Variants in SPTBN1 observed in about 807,000 individuals in gnomAD.
SPTBN1 encodes spectrin beta, non-erythrocytic 1.
SPTBN1 carries 32 observed loss-of-function variants against 266.4 expected under a neutral mutation model. The ratio of observed to expected loss-of-function variants is 0.12; its 90% CI spans 0.09 to 0.16. The LOEUF (loss-of-function observed/expected upper bound fraction) is 0.16, where lower values mean the gene tolerates loss of function less well. SPTBN1 is among the 10% of genes least tolerant of loss of function. The pLI, the probability that SPTBN1 is intolerant of heterozygous loss-of-function variation, is 1.00. For missense variants in SPTBN1, 2,296 were observed against 3,067.1 expected (o/e 0.75, Z 5.94); for synonymous variants, 1,336 against 1,162.2 (o/e 1.15, Z -3.04).
intron 3 of SPTBN1, among the ~76,000 whole-genome samples, chr2:54,601,722 G>C (rs1052743805): frequency 2.6e-5 from 4 of 152,324 alleles, no homozygotes; most frequent in Middle Eastern, 3.4e-3. Flanking sequence ...GCAATAGCTA[G>C]CAGATAAATG....
chr2:54,597,154 A>G (rs1348996009), intron 2 of SPTBN1, among the ~76,000 whole-genome samples: 1 of 152,248 alleles, frequency 6.6e-6, no homozygotes, highest in Non-Finnish European at 1.5e-5. Context: ...TTCACAAAAA[A>G]AATTGTTAAC....
In SPTBN1 at chr2:54,646,222, A is replaced by G; in HGVS notation, c.4613A>G (p.Gln1538Arg). Residue 1538 changes from glutamine to arginine, a missense_variant, in exon 23 of 36, where the codon CAG becomes CGG. By Grantham distance (43) the Gln-to-Arg change is conservative. Coordinates refer to ENST00000356805, the MANE Select transcript of SPTBN1 (RefSeq NM_003128.3). The surrounding 1 kb of genome is among the most constrained non-coding windows in gnomAD (Gnocchi z 4.4). The stretch of plus-strand genomic sequence containing the variant: ...CTCCAGAAAGAAATCCAGGGGCACC[A>G]GCCTCGCATTGACGACATCTTTGAG... The part of the protein sequence containing the change: ...QTLQKEIQGH[Q>R]PRIDDIFERS... 1 of 1,611,854 alleles carries G rather than the reference A, an allele frequency of 6.2e-7. No homozygotes were observed. Among genetic ancestry groups the G allele is most frequent in the Non-Finnish European group, 8.5e-7 (1 of 1,178,702 alleles).
intron 2 of SPTBN1, among the ~76,000 whole-genome samples, chr2:54,581,577 C>CTTTTTTTTTT (rs70944181): frequency 1.2e-4 from 12 of 102,660 alleles, no homozygotes; most frequent in African/African-American, 2.9e-4. Flanking sequence ...TTTCTTTGCC[C>CTTTTTTTTTT]TTTTTTTTTT....
chr2:54,647,391 A>G (rs1043279077), intron 24 of SPTBN1, 130 bp downstream of exon 24: 4 of 1,313,678 alleles, frequency 3.0e-6, no homozygotes, highest in African/African-American at 1.5e-5. Flanking sequence ...TTTGAGAAGC[A>G]TTTTTAAAAC....
At chr2:54,648,850 A>G (rs927541899) in intron 24 of SPTBN1, 136 bp from the exon 25 acceptor site, 75 of 830,688 alleles carry the variant, frequency 9.0e-5, no homozygotes, top group Non-Finnish European at 1.2e-4. Context: ...TTTCATGCTA[A>G]GTGGGTTAAC....
At position 54,668,679 on chromosome 2, in the gene SPTBN1, GA is replaced by G. The variant is rs1681548072; in HGVS notation, c.*111del. The G allele has an allele frequency of 2.4e-5, 12 of 507,082 alleles. No individual in the cohort carries two copies. Among genetic ancestry groups the G allele is most frequent in the East Asian group, 6.8e-5 (1 of 14,692 alleles). 31.4% of individuals were successfully genotyped at this position (507,082 alleles called of 1,614,324 possible). A position where few individuals can be genotyped will look rare whatever the true frequency, so the allele number is the denominator to read the frequency against. On this transcript the variant is annotated 3_prime_UTR_variant, in exon 36 of 36. Coordinates refer to ENST00000356805, the MANE Select transcript of SPTBN1 (RefSeq NM_003128.3). ...GTGCCTAATGTTCCTCAATGTGGTT[GA>G]TTTTTTTTTTTTTTTAATTTATAGA...
Position 54,649,906 on chromosome 2 carries a change from C to A in SPTBN1, c.5494C>A (p.Leu1832Ile). Residue 1832 changes from leucine (L) to isoleucine (I), a missense_variant, in exon 26 of 36, where the codon CTT (leucine) becomes ATT (isoleucine). Leu to Ile is a conservative substitution (Grantham distance 5). This residue lies in a region of SPTBN1 where 644 missense variants were observed against 745.3 expected (regional missense o/e 0.86). Transcript: ENST00000356805. The surrounding 1 kb of genome is among the most constrained non-coding windows in gnomAD (Gnocchi z 6.7). ...QDKHKKLPEE[L>I]GRDQNTVETL... Reference sequence around the variant, plus strand: ...CAAACACAAGAAACTCCCTGAGGAGCTTGGGAGAGATCAGAACACAGTGGA... The same window carrying A: ...CAAACACAAGAAACTCCCTGAGGAGATTGGGAGAGATCAGAACACAGTGGA... 1 of 1,614,194 alleles carries A rather than the reference C, an allele frequency of 6.2e-7. No individual in the cohort carries two copies. Among genetic ancestry groups the A allele is most frequent in the Non-Finnish European group, 8.5e-7 (1 of 1,180,038 alleles).
chr2:54,578,248 A>G (rs558116253), intron 2 of SPTBN1, among the ~76,000 whole-genome samples: 4 of 152,358 alleles, frequency 2.6e-5, no homozygotes, highest in South Asian at 2.1e-4. Context: ...CCTTGGAGCA[A>G]TGTTCAAAGG....
rs758273702 is a variant in SPTBN1, at chr2:54,540,243, G to A, written c.148+13677G>A. ...CTTTTCTAGTAATAAACAGAAGTAA[G>A]ACCAGCTGATTGATAGAATCCTGGA... On this transcript the variant is annotated intron_variant, in intron 2 of 35. Transcript: ENST00000356805. The surrounding 1 kb of genome is among the most constrained non-coding windows in gnomAD (Gnocchi z 5.6). Among the ~76,000 whole-genome samples, 1 of 152,154 alleles carries A rather than the reference G, an allele frequency of 6.6e-6. No homozygotes were observed. The highest frequency in any genetic ancestry group is 1.5e-5 in the Non-Finnish European group (1 of 68,020).
At chr2:54,528,901 T>C (rs969033145) in intron 2 of SPTBN1, among the ~76,000 whole-genome samples, 2 of 152,170 alleles carry the variant, frequency 1.3e-5, no homozygotes, top group African/African-American at 4.8e-5. Context: ...ATTCAGTGAA[T>C]TTACAAGATA....
rs1376233776 is a variant in SPTBN1, at chr2:54,517,517, G to A, written c.-47-8855G>A. On this transcript the variant is annotated intron_variant, in intron 1 of 35. Coordinates refer to ENST00000356805, the MANE Select transcript of SPTBN1 (RefSeq NM_003128.3). ...TTAGTACAGCTATAGATTATTTGAA[G>A]TCCAAAATACTTTATTAACAAGAGT... Among the ~76,000 whole-genome samples, 5 of 152,174 alleles carry A rather than the reference G, an allele frequency of 3.3e-5. 1 individual carries two copies. Among genetic ancestry groups the A allele is most frequent in the African/African-American group, 1.2e-4 (5 of 41,530 alleles).
Position 54,631,332 on chromosome 2 carries a change from C to G in SPTBN1, c.3285C>G (p.Thr1095=), listed in dbSNP as rs370058673. 8.1e-6 allele frequency: 13 copies of G among 1,614,230 alleles called. No individual in the cohort carries two copies. Among genetic ancestry groups the G allele is most frequent in the Admixed American group, 1.7e-5 (1 of 60,034 alleles). The change falls in exon 16 of 36, where the codon ACC becomes ACG. Residue 1095 remains threonine (T), a synonymous_variant. Transcript: ENST00000356805. ...CGGAGGACATGCCAAACACCCTGACCGAGGCTGAGAAGCTGCTCACGCAGC... is the reference window on the plus strand; with the variant it reads ...CGGAGGACATGCCAAACACCCTGACGGAGGCTGAGAAGCTGCTCACGCAGC... ...IASEDMPNTL[T]EAEKLLTQHE... is the part of the protein sequence containing the mutation.
chr2:54,532,662 C>T (rs1157162292), intron 2 of SPTBN1, among the ~76,000 whole-genome samples: 6 of 152,184 alleles, frequency 3.9e-5, no homozygotes, highest in African/African-American at 1.2e-4. Context: ...GCTTGCATCC[C>T]GTGATTGCAG....
chr2:54,507,722 G>GT lies in SPTBN1; in HGVS notation c.-47-18642dup, dbSNP rs750188461. Among the ~76,000 whole-genome samples, 235 of 151,096 alleles carry GT rather than the reference G, an allele frequency of 1.6e-3. No individual in the cohort carries two copies. In the Middle Eastern group the frequency reaches 0.021, roughly 13 times the overall value. ...GCAAGCTTTTAGGCTCTATCTTTGAGTTTTTTTTAATGTTGTCATATACCA... is the reference window on the plus strand; with the variant it reads ...GCAAGCTTTTAGGCTCTATCTTTGAGTTTTTTTTTAATGTTGTCATATACCA... On this transcript the variant is annotated intron_variant, in intron 1 of 35. Coordinates refer to ENST00000356805, the MANE Select transcript of SPTBN1 (RefSeq NM_003128.3).
At chr2:54,542,439 G>C (rs1409710813) in intron 2 of SPTBN1, among the ~76,000 whole-genome samples, 1 of 152,214 alleles carries the variant, frequency 6.6e-6, no homozygotes, top group African/African-American at 2.4e-5. Flanking sequence ...TATCTCAGGA[G>C]AATTTTTATT....
intron 3 of SPTBN1, among the ~76,000 whole-genome samples, chr2:54,605,149 T>C (rs1405562504): frequency 6.6e-6 from 1 of 152,162 alleles, no homozygotes; most frequent in Admixed American, 6.5e-5. Flanking sequence ...CTCCCTCTGC[T>C]CCATTGTGTT....
intron 23 of SPTBN1, 67 bp from the exon 24 acceptor site, chr2:54,647,064 C>G: frequency 6.2e-7 from 1 of 1,608,864 alleles, no homozygotes; most frequent in Non-Finnish European, 8.5e-7. Flanking sequence ...AGCAGCTGGT[C>G]TGTCACTCCT....
chr2:54,631,035 C>T lies in SPTBN1; in HGVS notation c.2988C>T (p.Arg996=), dbSNP rs753952795. Residue 996 remains arginine, a synonymous_variant, in exon 16 of 36, where the codon CGC becomes CGT. Transcript: ENST00000356805. ...NDLAGVMALQ[R]KLTGMERDLV... Reference sequence around the variant, plus strand: ...TGGCTGGCGTCATGGCCCTGCAGCGCAAGCTGACCGGCATGGAGCGGGACT... The same window carrying T: ...TGGCTGGCGTCATGGCCCTGCAGCGTAAGCTGACCGGCATGGAGCGGGACT... 1.2e-6 allele frequency: 2 copies of T among 1,613,938 alleles called. No individual in the cohort carries two copies. The highest frequency in any genetic ancestry group is 4.5e-5 in the East Asian group (2 of 44,874).
At chr2:54,620,161 G>A (rs1455395189) in intron 7 of SPTBN1, among the ~76,000 whole-genome samples, 1 of 152,228 alleles carries the variant, frequency 6.6e-6, no homozygotes, top group African/African-American at 2.4e-5. Context: ...TGTGGTAGGT[G>A]GAGTGGCATA....
Sources: gnomAD v4.1 joint callset for allele counts (sites outside exome capture counted in the v4.1 genomes callset) on GRCh38, gnomAD v4.1.1 for gene constraint, gnomAD v4.1.1 regional missense constraint, Gnocchi (gnomAD v3.1) non-coding constraint, MANE v1.5 for transcripts, NCBI Gene and HGNC (gene_info 2026-07-23, HGNC 2026-07-21) for gene names.